PDE1C: variants seen among roughly 807,000 people sequenced by gnomAD.
The protein encoded by PDE1C is dual specificity calcium/calmodulin-dependent 3',5'-cyclic nucleotide phosphodiesterase 1C.
A neutral mutation model predicts 93.1 loss-of-function variants in PDE1C; 62 were observed. That is an observed-to-expected ratio of 0.67 (90% CI 0.54 to 0.82). PDE1C has a LOEUF of 0.82. Among genes scored for constraint, PDE1C ranks in the 40% least tolerant of loss-of-function variants. The probability of loss-of-function intolerance (pLI) is 0.00; values close to 1 mark genes in which losing one functional copy is unlikely to be tolerated. For synonymous variants in PDE1C, 325 were observed against 310.1 expected (o/e 1.05, Z -0.50); for missense variants, 742 against 884.6 (o/e 0.84, Z 2.04).
intron 3 of PDE1C, among the ~76,000 whole-genome samples, chr7:32,125,508 T>C (rs573149102): frequency 1.3e-5 from 2 of 152,186 alleles, no homozygotes; most frequent in African/African-American, 4.8e-5. Context: ...GAAAATGTGG[T>C]ATATATACAT....
intron 1 of PDE1C, among the ~76,000 whole-genome samples, chr7:32,239,201 A>G (rs1350223287): frequency 1.3e-5 from 2 of 152,166 alleles, no homozygotes; most frequent in East Asian, 3.8e-4. Context: ...ACTGCACTCT[A>G]ATATGGGTGA....
intron 1 of PDE1C, among the ~76,000 whole-genome samples, chr7:32,420,416 T>A (rs1264562556): frequency 1.5e-5 from 2 of 137,186 alleles, no homozygotes; most frequent in African/African-American, 2.7e-5. Context: ...CACACACACA[T>A]ATACACACAC....
intron 15 of PDE1C, among the ~76,000 whole-genome samples, chr7:31,815,533 G>T (rs1788128372): frequency 1.3e-5 from 2 of 152,220 alleles, no homozygotes; most frequent in African/African-American, 4.8e-5. Context: ...ACAGGAAAAG[G>T]CTCAGGCAAA....
rs149020752 is a variant in PDE1C at position 32,399,406 on chromosome 7, G to A, written c.310+28416C>T. Among the ~76,000 whole-genome samples the A allele has an allele frequency of 4.6e-3, 696 of 152,144 alleles. 5 individuals are homozygous for A. The highest frequency in any genetic ancestry group is 0.014 in the Middle Eastern group (4 of 294). ...AAATTTATTTTCTCATGGTTCTGGA[G>A]GCTGGAAGTCCATCATCAGGGTGCT... On this transcript the variant is annotated intron_variant, in intron 1 of 1. Coordinates refer to the PDE1C transcript ENST00000672256.
chr7:32,390,341 C>A (rs1445830900), intron 1 of PDE1C, among the ~76,000 whole-genome samples: 1 of 152,052 alleles, frequency 6.6e-6, no homozygotes, highest in Non-Finnish European at 1.5e-5. Context: ...AATGATTTTT[C>A]TTCCAAGAGG....
intron 2 of PDE1C, among the ~76,000 whole-genome samples, chr7:31,910,708 C>T (rs1208926349): frequency 6.6e-6 from 1 of 152,164 alleles, no homozygotes; most frequent in Non-Finnish European, 1.5e-5. Context: ...CCCAGCTCTG[C>T]CTGCTTCTCA....
intron 7 of PDE1C, among the ~76,000 whole-genome samples, chr7:31,857,789 C>T (rs960426586): frequency 2.0e-5 from 3 of 152,130 alleles, no homozygotes; most frequent in Non-Finnish European, 4.4e-5. Context: ...TAGCATATTC[C>T]CCATCAGTTA....
chr7:32,302,090 C>T (rs1040976379), upstream of PDE1C, among the ~76,000 whole-genome samples: 3 of 152,186 alleles, frequency 2.0e-5, no homozygotes, highest in African/African-American at 7.2e-5. Flanking sequence ...AGTAGCTGTG[C>T]CTGGGACCAT....
At chr7:32,139,351 A>G in intron 3 of PDE1C, among the ~76,000 whole-genome samples, 1 of 122,062 alleles carries the variant, frequency 8.2e-6, no homozygotes, top group Non-Finnish European at 1.6e-5. Context: ...TACATTGCCC[A>G]GGCTGGTCTC....
chr7:31,962,913 A>T (rs1441832381), intron 2 of PDE1C, among the ~76,000 whole-genome samples: 1 of 152,174 alleles, frequency 6.6e-6, no homozygotes, highest in African/African-American at 2.4e-5. Context: ...ACACATCAAA[A>T]GGCTTCTGAA....
the PDE1C span, among the ~76,000 whole-genome samples, chr7:31,661,899 C>T: frequency 6.6e-6 from 1 of 152,166 alleles, no homozygotes; most frequent in Middle Eastern, 3.4e-3. Flanking sequence ...TTCCATTTTT[C>T]CTGAGCAATC....
At chr7:32,264,028 T>G (rs903666277) in intron 1 of PDE1C, among the ~76,000 whole-genome samples, 1 of 152,070 alleles carries the variant, frequency 6.6e-6, no homozygotes, top group African/African-American at 2.4e-5. Flanking sequence ...TATCCTACCC[T>G]TCATGAAAAT....
chr7:32,243,526 C>T (rs965444647), intron 1 of PDE1C, among the ~76,000 whole-genome samples: 4 of 152,130 alleles, frequency 2.6e-5, no homozygotes, highest in Admixed American at 6.6e-5. Flanking sequence ...AACTGCACAC[C>T]AGACATCACA....
rs529317291 is a variant in PDE1C, at chr7:32,259,493, G to T, written c.85+39158C>A. 9.2e-5 allele frequency among the ~76,000 whole-genome samples: 14 copies of T among 152,268 alleles called. No individual in the cohort carries two copies. The South Asian group carries it at 2.9e-3, about 32-fold the overall frequency. ...GGACTCTGCCTCCCACCAGCTGGGG[G>T]AGCTGGGGCAAGTTCCCAAACCCTT... On this transcript the variant is annotated intron_variant, in intron 1 of 18. Coordinates refer to the PDE1C transcript ENST00000396193.
In PDE1C at chr7:32,081,930, G is replaced by A. The variant is rs533865808; in HGVS notation, c.308+87855C>T. On this transcript the variant is annotated intron_variant, in intron 3 of 18. Coordinates refer to the PDE1C transcript ENST00000396193. The stretch of plus-strand genomic sequence containing the variant: ...CTCCGGTCTACAGCTCCCAGAGTGA[G>A]CGACGCAGAAGATGGGTGATTTCTG... Among the ~76,000 whole-genome samples, 408 of 152,334 alleles carry A rather than the reference G, an allele frequency of 2.7e-3. 1 individual carries two copies. The highest frequency in any genetic ancestry group is 9.1e-3 in the African/African-American group (380 of 41,584).
At chr7:32,086,453 C>T (rs1344533852) in intron 3 of PDE1C, among the ~76,000 whole-genome samples, 2 of 152,076 alleles carry the variant, frequency 1.3e-5, no homozygotes, top group East Asian at 1.9e-4. Flanking sequence ...AGATTCAATG[C>T]CATCCTCATC....
chr7:31,817,639 G>A (rs990547415), intron 14 of PDE1C, among the ~76,000 whole-genome samples: 1 of 152,116 alleles, frequency 6.6e-6, no homozygotes. Context: ...CTCTACATGT[G>A]TTTTAAAATG....
intron 2 of PDE1C, among the ~76,000 whole-genome samples, chr7:32,023,886 G>A (rs1266369328): frequency 6.6e-6 from 1 of 152,016 alleles, no homozygotes; most frequent in African/African-American, 2.4e-5. Flanking sequence ...AAATGCAAAT[G>A]ATGTGTGCAC....
chr7:31,988,734 C>T (rs968606982), intron 2 of PDE1C, among the ~76,000 whole-genome samples: 3 of 152,082 alleles, frequency 2.0e-5, no homozygotes, highest in Non-Finnish European at 2.9e-5. Context: ...CAGTGGCTTA[C>T]GCCTGTAATC....
Sources: gnomAD v4.1 joint callset for allele counts (sites outside exome capture counted in the v4.1 genomes callset) on GRCh38, gnomAD v4.1.1 for gene constraint, MANE v1.5 for transcripts, NCBI Gene and HGNC (gene_info 2026-07-23, HGNC 2026-07-21) for gene names.